The following ARHGAP42 variants were observed in gnomAD, a reference collection of about 807,000 sequenced individuals.
The protein encoded by ARHGAP42 is rho GTPase-activating protein 42.
Under a neutral mutation model 125.0 loss-of-function variants are expected in ARHGAP42, and 63 were observed. The ratio of observed to expected loss-of-function variants is 0.50; its 90% confidence interval spans 0.41 to 0.62. The LOEUF (loss-of-function observed/expected upper bound fraction) is 0.62. Ranked by LOEUF, ARHGAP42 falls within the 20% of genes least tolerant of loss-of-function variation. The probability of loss-of-function intolerance (pLI) is 0.00; values close to 1 mark genes in which losing one functional copy is unlikely to be tolerated. For missense variants in ARHGAP42, 766 were observed against 1,024.2 expected, an observed-to-expected ratio of 0.75 and a Z score of 3.44; for synonymous variants, 339 against 351.0, an observed-to-expected ratio of 0.97 and a Z score of 0.38.
chr11:100,840,887 G>A (rs1474467632), intron 3 of ARHGAP42, among the ~76,000 whole-genome samples: 4 of 152,142 alleles, frequency 2.6e-5, no homozygotes, highest in Non-Finnish European at 5.9e-5. Flanking sequence ...CACTATGTTA[G>A]TGCTGAGTCT....
intron 8 of ARHGAP42, among the ~76,000 whole-genome samples, chr11:100,937,930 A>G (rs1465891375): frequency 6.6e-6 from 1 of 152,112 alleles, no homozygotes; most frequent in Non-Finnish European, 1.5e-5. Flanking sequence ...GGTTACATGG[A>G]TGGACTAAGC....
chr11:100,706,075 G>A (rs566344348), intron 1 of ARHGAP42, among the ~76,000 whole-genome samples: 2 of 151,316 alleles, frequency 1.3e-5, no homozygotes, highest in South Asian at 2.1e-4. Context: ...TGCATCCCGG[G>A]TTCAGGCAAT....
intron 1 of ARHGAP42, among the ~76,000 whole-genome samples, chr11:100,690,262 G>C (rs1861164343): frequency 6.6e-6 from 1 of 152,026 alleles, no homozygotes; most frequent in African/African-American, 2.4e-5. Context: ...GCACGGCACT[G>C]TTATTTTTAT....
At chr11:100,859,803 A>G in intron 4 of ARHGAP42, 178 bp downstream of exon 4, 1 of 476,804 alleles carries the variant, frequency 2.1e-6, no homozygotes, top group South Asian at 4.0e-5. Flanking sequence ...AAAAGATGTT[A>G]TTATTCTACT....
chr11:100,952,723 C>T (rs1857696183), intron 12 of ARHGAP42, among the ~76,000 whole-genome samples: 1 of 116,178 alleles, frequency 8.6e-6, no homozygotes, highest in Non-Finnish European at 1.7e-5. Context: ...TACTAATTCA[C>T]CTAAGTCAGG....
chr11:100,708,996 T>C (rs1453941593), intron 1 of ARHGAP42, among the ~76,000 whole-genome samples: 1 of 152,172 alleles, frequency 6.6e-6, no homozygotes, highest in Non-Finnish European at 1.5e-5. Context: ...CCTTGTACTA[T>C]ACTCACCTTT....
chr11:100,837,450 A>G (rs1046579186), intron 3 of ARHGAP42, among the ~76,000 whole-genome samples: 4 of 152,066 alleles, frequency 2.6e-5, no homozygotes, highest in Non-Finnish European at 2.9e-5. Flanking sequence ...AGAATTTGGA[A>G]ATGAGATCAC....
chr11:100,869,243 G>A lies in ARHGAP42; in HGVS notation c.384+9618G>A, dbSNP rs534446492. Among the ~76,000 whole-genome samples the A allele has an allele frequency of 5.3e-5, 8 of 152,008 alleles. No individual in the cohort carries two copies. The South Asian group carries it at 8.3e-4, about 16-fold the overall frequency. On this transcript the variant is annotated intron_variant, in intron 4 of 23. Transcript: ENST00000298815. ...ATATAGCACTCTTATAAAGTAGAAG[G>A]TATCATCATTTTTCAGACAGAAAGA...
intron 1 of ARHGAP42, among the ~76,000 whole-genome samples, chr11:100,695,785 A>C (rs540829319): frequency 6.6e-6 from 1 of 152,102 alleles, no homozygotes; most frequent in South Asian, 2.1e-4. Context: ...ATAGTAGCTA[A>C]TAATCTGTCA....
At chr11:100,802,421 TTTC>T (rs1208596353) in intron 3 of ARHGAP42, among the ~76,000 whole-genome samples, 2 of 111,160 alleles carry the variant, frequency 1.8e-5, no homozygotes, top group African/African-American at 7.5e-5. Flanking sequence ...TTCTCCTTTC[TTTC>T]TTTTTTTTTT....
In ARHGAP42 at chr11:100,990,368, A is replaced by T. The variant is rs1304382913; in HGVS notation, c.*1567A>T. ...CTTTAAATTAATGTTTCTAGAATTA[A>T]TAGGTTAAATACACATACACACACA... On this transcript the variant is annotated 3_prime_UTR_variant, in exon 24 of 24. Transcript: ENST00000298815. 1 of 152,160 alleles carries T rather than the reference A, an allele frequency of 6.6e-6. No homozygotes were observed. Among genetic ancestry groups the T allele is most frequent in the Non-Finnish European group, 1.5e-5 (1 of 68,030 alleles). 9.4% of individuals were successfully genotyped at this position (152,160 alleles called of 1,614,324 possible). A position where few individuals can be genotyped will look rare whatever the true frequency, so the allele number is the denominator to read the frequency against.
At chr11:100,987,989 A>G (rs1858728696) in intron 23 of ARHGAP42, among the ~76,000 whole-genome samples, 1 of 151,968 alleles carries the variant, frequency 6.6e-6, no homozygotes, top group Non-Finnish European at 1.5e-5. Context: ...TTACCCGGGC[A>G]TGGTGGTGTG....
In ARHGAP42 at chr11:100,989,150, T is replaced by C. The variant is rs1858765408; in HGVS notation, c.*349T>C. On this transcript the variant is annotated 3_prime_UTR_variant, in exon 24 of 24. Transcript: ENST00000298815. ...ATTTGGAAACCAGAAATCTGCTATA[T>C]GGATTTTGAGATCTGTCCTTTACTG... 2.5e-6 allele frequency: 1 copy of C among 402,400 alleles called. No individual in the cohort carries two copies. The allele number at this position is 402,400 out of a possible 1,614,324, so 24.9% of individuals were successfully genotyped here.
chr11:100,880,388 A>G (rs1411886121), intron 4 of ARHGAP42, among the ~76,000 whole-genome samples: 2 of 152,328 alleles, frequency 1.3e-5, no homozygotes, highest in African/African-American at 4.8e-5. Context: ...TTCACTTAGA[A>G]TAATAGTCTC....
chr11:100,814,952 T>C (rs961899056), intron 3 of ARHGAP42, among the ~76,000 whole-genome samples: 14 of 152,230 alleles, frequency 9.2e-5, no homozygotes, highest in African/African-American at 3.1e-4. Context: ...GACTTAATCT[T>C]GTTCATTCTT....
chr11:100,874,516 C>T (rs1004265275), intron 4 of ARHGAP42, among the ~76,000 whole-genome samples: 1 of 152,146 alleles, frequency 6.6e-6, no homozygotes, highest in African/African-American at 2.4e-5. Flanking sequence ...TGTGTCAGAT[C>T]GCAAAGGTCT....
intron 2 of ARHGAP42, among the ~76,000 whole-genome samples, chr11:100,779,810 G>A (rs1284035433): frequency 6.6e-6 from 1 of 151,682 alleles, no homozygotes; most frequent in Non-Finnish European, 1.5e-5. Flanking sequence ...TGTATTACCT[G>A]AAGTCAGGAG....
chr11:100,953,512 T>A (rs1051693400), intron 12 of ARHGAP42, among the ~76,000 whole-genome samples: 3 of 152,198 alleles, frequency 2.0e-5, no homozygotes, highest in African/African-American at 7.2e-5. Context: ...TCTAATGTTC[T>A]AAAATAGGGC....
chr11:100,717,938 A>G (rs1286814100), intron 1 of ARHGAP42, among the ~76,000 whole-genome samples: 1 of 152,030 alleles, frequency 6.6e-6, no homozygotes, highest in Non-Finnish European at 1.5e-5. Context: ...AAAAAAAAAA[A>G]AGACACCGTA....
Sources: allele counts gnomAD v4.1 joint callset (sites outside exome capture counted in the v4.1 genomes callset), GRCh38; gene constraint gnomAD v4.1.1; transcripts MANE v1.5; gene names NCBI Gene and HGNC (gene_info 2026-07-23, HGNC 2026-07-21).